The following DMD variants were observed in gnomAD, a reference collection of about 807,000 sequenced individuals.
DMD encodes dystrophin.
A neutral mutation model predicts 330.1 loss-of-function variants in DMD; 63 were observed. That is an observed-to-expected ratio of 0.19 (90% confidence interval 0.16 to 0.24). DMD has a LOEUF of 0.24. DMD is among the 10% of genes least tolerant of loss of function. The probability of loss-of-function intolerance (pLI) is 1.00; values close to 1 mark genes in which losing one functional copy is unlikely to be tolerated. For synonymous variants in DMD, 1,223 were observed against 959.8 expected (o/e 1.27, Z -5.07); for missense variants, 3,344 against 2,684.1 (o/e 1.25, Z -5.43).
chrX:31,813,747 A>G (rs2092530962), intron 50 of DMD, among the ~76,000 whole-genome samples: 1 of 112,096 alleles, frequency 8.9e-6, no homozygotes. Flanking sequence ...CCTGCTCTGC[A>G]AGTGGGAGAG....
intron 55 of DMD, among the ~76,000 whole-genome samples, chrX:31,511,571 G>A (rs1274179773): frequency 2.0e-5 from 2 of 101,428 alleles, no homozygotes; most frequent in African/African-American, 3.6e-5. Context: ...CTATGAGTGA[G>A]AATATGCGGT....
chrX:33,009,324 A>ATATATACACATATGTGTATGTGTG (rs2093536429), intron 2 of DMD, among the ~76,000 whole-genome samples: 1 of 57,044 alleles, frequency 1.8e-5, no homozygotes, highest in African/African-American at 6.8e-5. Context: ...GTATATGTGT[A>ATATATACACATATGTGTATGTGTG]TATGTGTATA....
intron 6 of DMD, among the ~76,000 whole-genome samples, chrX:32,809,934 A>G (rs2077231498): frequency 2.1e-5 from 2 of 95,359 alleles, no homozygotes; most frequent in Admixed American, 2.4e-4. Flanking sequence ...AAAAAAAAAA[A>G]AAAAAAAAAA....
At chrX:31,393,958 AGAT>A (rs2060800977) in intron 60 of DMD, among the ~76,000 whole-genome samples, 2 of 112,670 alleles carry the variant, frequency 1.8e-5, no homozygotes, top group South Asian at 3.6e-4. Flanking sequence ...AAGGCTTACA[AGAT>A]GATGATACTA....
At chrX:31,560,715 G>A (rs2075145666) in intron 55 of DMD, among the ~76,000 whole-genome samples, 1 of 111,292 alleles carries the variant, frequency 9.0e-6, no homozygotes, top group Non-Finnish European at 1.9e-5. Flanking sequence ...CCTACTTAAC[G>A]TGAAGATAAT....
chrX:32,291,498 A>C (rs754582931), intron 42 of DMD, among the ~76,000 whole-genome samples: 12 of 112,051 alleles, frequency 1.1e-4, no homozygotes, highest in Non-Finnish European at 1.7e-4. Context: ...TCAAGTATCT[A>C]GTTGCTATTC....
intron 55 of DMD, among the ~76,000 whole-genome samples, chrX:31,613,603 G>A (rs2078042212): frequency 9.0e-6 from 1 of 111,575 alleles, no homozygotes; most frequent in African/African-American, 3.3e-5. Flanking sequence ...TTGTTATGTA[G>A]CAAAAGTTAA....
chrX:32,756,439 C>T (rs1456039945), intron 7 of DMD: 1 of 111,516 alleles, frequency 9.0e-6, no homozygotes, highest in Non-Finnish European at 1.9e-5. Flanking sequence ...ACAATAAAAT[C>T]GCTAAAAACC....
intron 44 of DMD, among the ~76,000 whole-genome samples, chrX:31,969,445 G>A (rs17243054): frequency 0.031 from 3,432 of 111,287 alleles, 46 homozygotes; most frequent in Non-Finnish European, 0.047. Context: ...GGTACCTACC[G>A]TATTTAAATC....
intron 60 of DMD, among the ~76,000 whole-genome samples, chrX:31,374,265 G>A (rs372598350): frequency 2.1e-5 from 2 of 93,738 alleles, no homozygotes; most frequent in African/African-American, 8.2e-5. Context: ...TCAGTGTGGC[G>A]ATTCCTCAGG....
intron 59 of DMD, among the ~76,000 whole-genome samples, chrX:31,473,711 C>CAAAAAAAAAAAAAAAAAAAAAAAAAA (rs55752684): frequency 2.5e-5 from 1 of 40,143 alleles, no homozygotes; most frequent in African/African-American, 8.9e-5. Flanking sequence ...GACTCTGTCT[C>CAAAAAAAAAAAAAAAAAAAAAAAAAA]AAAAAAAAAA....
chrX:32,643,988 A>G, intron 11 of DMD, 144 bp downstream of exon 11: 1 of 513,893 alleles, frequency 1.9e-6, no homozygotes. Flanking sequence ...ATTTCTATGA[A>G]AATCCAACCA....
intron 77 of DMD, 146 bp from the exon 78 acceptor site, chrX:31,126,819 A>C (rs2033757359): frequency 1.8e-5 from 9 of 487,001 alleles, no homozygotes; most frequent in East Asian, 3.7e-5. Flanking sequence ...AAAAAAAAAA[A>C]AAAAACAGAA....
chrX:33,155,278 T>C (rs2048452798), intron 1 of DMD, among the ~76,000 whole-genome samples: 1 of 110,920 alleles, frequency 9.0e-6, no homozygotes, highest in African/African-American at 3.3e-5. Context: ...ATATCAATCA[T>C]TGTTGCAGCT....
chrX:31,728,452 C>T (rs762648442), intron 52 of DMD, among the ~76,000 whole-genome samples: 3 of 112,322 alleles, frequency 2.7e-5, no homozygotes, highest in East Asian at 5.6e-4. Flanking sequence ...TGTGCACACA[C>T]CATCTAATGC....
chrX:33,179,742 T>C (rs532572097), intron 1 of DMD, among the ~76,000 whole-genome samples: 2 of 109,244 alleles, frequency 1.8e-5, no homozygotes, highest in African/African-American at 6.6e-5. Context: ...TCATTGATAA[T>C]GCAGAGATTC....
intron 52 of DMD, among the ~76,000 whole-genome samples, chrX:31,702,347 G>A (rs2083871494): frequency 1.8e-5 from 2 of 111,825 alleles, no homozygotes; most frequent in South Asian, 3.8e-4. Context: ...AGAGCCAAAC[G>A]CCTACTAAAT....
chrX:32,603,667 A>G (rs770634043), intron 12 of DMD, among the ~76,000 whole-genome samples: 10 of 111,496 alleles, frequency 9.0e-5, no homozygotes, highest in African/African-American at 3.2e-4. Context: ...GAGATGATAG[A>G]TGTGACGTTA....
chrX:33,050,769 A>T (rs1479826725), intron 1 of DMD, among the ~76,000 whole-genome samples: 1 of 112,370 alleles, frequency 8.9e-6, no homozygotes, highest in Non-Finnish European at 1.9e-5. Flanking sequence ...AAGAGGAAAT[A>T]TAAGGCTAAT....
Sources: allele counts gnomAD v4.1 joint callset (sites outside exome capture counted in the v4.1 genomes callset), GRCh38; gene constraint gnomAD v4.1.1; transcripts MANE v1.5; gene names NCBI Gene and HGNC (gene_info 2026-07-23, HGNC 2026-07-21).